Variants in ABCC3 observed in about 807,000 individuals in gnomAD.
The protein encoded by ABCC3 is ATP binding cassette subfamily C member 3.
ABCC3 carries 121 observed loss-of-function variants against 165.3 expected under a neutral mutation model. That is an observed-to-expected ratio of 0.73 (90% CI 0.63 to 0.85). The LOEUF (loss-of-function observed/expected upper bound fraction) is 0.85. Among genes scored for constraint, ABCC3 ranks in the 40% least tolerant of loss-of-function variants. The probability of loss-of-function intolerance (pLI) is 0.00; values close to 1 mark genes in which losing one functional copy is unlikely to be tolerated. For missense variants in ABCC3, 1,869 were observed against 1,964.1 expected, an observed-to-expected ratio of 0.95 and a Z score of 0.92; for synonymous variants, 733 against 810.1, an observed-to-expected ratio of 0.90 and a Z score of 1.62.
chr17:50,649,751 AAAGG>A (rs1244528132), intron 1 of ABCC3, among the ~76,000 whole-genome samples: 6 of 151,772 alleles, frequency 4.0e-5, no homozygotes, highest in South Asian at 4.2e-4. Context: ...AGAGAGAGAG[AAAGG>A]AAGGAAGGAA....
intron 7 of ABCC3, among the ~76,000 whole-genome samples, chr17:50,660,480 T>C (rs890289418): frequency 6.6e-6 from 1 of 152,132 alleles, no homozygotes; most frequent in Admixed American, 6.5e-5. Flanking sequence ...TATCCTGGCT[T>C]TCATGGCTTG....
chr17:50,679,767 G>T (rs748249142), intron 25 of ABCC3, 31 bp from the exon 26 acceptor site: 1 of 1,592,010 alleles, frequency 6.3e-7, no homozygotes, highest in Admixed American at 1.7e-5. Context: ...AGGGGAGATC[G>T]CCATACGTAT....
At chr17:50,642,570 C>T (rs1597837833) in intron 1 of ABCC3, among the ~76,000 whole-genome samples, 2 of 152,346 alleles carry the variant, frequency 1.3e-5, no homozygotes, top group East Asian at 3.9e-4. Flanking sequence ...TTCATTCTCC[C>T]TCACCTTCTC....
Position 50,676,081 on chromosome 17 carries a change from A to G in ABCC3, c.3058A>G (p.Ile1020Val), listed in dbSNP as rs372833974. 1.2e-5 allele frequency: 20 copies of G among 1,614,024 alleles called. No homozygotes were observed. The highest frequency in any genetic ancestry group is 5.5e-5 in the South Asian group (5 of 91,092). Residue 1020 changes from isoleucine (I) to valine (V), a missense_variant, in exon 22 of 31, where the codon ATT (isoleucine) becomes GTT (valine). Transcript: ENST00000285238. ...GCTGGGCGTCTATGCTGCTTTAGGA[A>G]TTCTGCAAGGTGAGCTTGTGGGGGT... ...LRLGVYAALG[I>V]LQGFLVMLAA...
chr17:50,656,687 G>A lies in ABCC3; in HGVS notation c.223-15G>A, dbSNP rs748566100. On this transcript the variant is annotated splice_polypyrimidine_tract_variant and intron_variant, in intron 2 of 30. Coordinates refer to ENST00000285238, the MANE Select transcript of ABCC3 (RefSeq NM_003786.4). Reference sequence around the variant, plus strand: ...CCTCTGGGGATGCGGATTCCAACCTGTGCTCTCTTCGCAGGTCCTGGGTGT... The same window carrying A: ...CCTCTGGGGATGCGGATTCCAACCTATGCTCTCTTCGCAGGTCCTGGGTGT... 3 of 1,606,378 alleles carry A rather than the reference G, an allele frequency of 1.9e-6. No homozygotes were observed. In the South Asian group the frequency reaches 3.3e-5, roughly 18 times the overall value.
rs148338630 is a variant in ABCC3 at position 50,665,202 on chromosome 17, T to G, written c.1388T>G (p.Ile463Ser). 3.1e-6 allele frequency: 5 copies of G among 1,613,934 alleles called. No individual in the cohort carries two copies. The highest frequency in any genetic ancestry group is 4.2e-6 in the Non-Finnish European group (5 of 1,179,962). Residue 463 changes from isoleucine to serine, a missense_variant, in exon 11 of 31, where the codon ATT becomes AGT. Coordinates refer to ENST00000285238, the MANE Select transcript of ABCC3 (RefSeq NM_003786.4). ...LAGVAFMVLL[I>S]PLNGAVAVKM... Reference sequence around the variant, plus strand: ...GGAGTCGCTTTCATGGTCTTGCTGATTCCACTCAACGGAGCTGTGGCCGTG... The same window carrying G: ...GGAGTCGCTTTCATGGTCTTGCTGAGTCCACTCAACGGAGCTGTGGCCGTG...
chr17:50,657,497 T>C (rs549482113), intron 4 of ABCC3, among the ~76,000 whole-genome samples: 5 of 152,340 alleles, frequency 3.3e-5, no homozygotes, highest in African/African-American at 1.2e-4. Context: ...TGAACACATG[T>C]ATGCAGACAA....
At position 50,652,750 on chromosome 17, in the gene ABCC3, TC is replaced by T. The variant is rs373411262; in HGVS notation, c.46-3081del. Among the ~76,000 whole-genome samples, 1,065 of 152,342 alleles carry T rather than the reference TC, an allele frequency of 7.0e-3. 7 individuals are homozygous for T. The highest frequency in any genetic ancestry group is 0.01 in the Non-Finnish European group (695 of 68,036). On this transcript the variant is annotated intron_variant, in intron 1 of 30. Coordinates refer to ENST00000285238, the MANE Select transcript of ABCC3 (RefSeq NM_003786.4). ...TCCTTAGATTTGGAGGAACTCACTT[TC>T]AAAAGGCACCTGCCTGAGGCTTTTA... is the stretch of plus-strand genomic sequence containing the variant.
At chr17:50,673,770 A>G in intron 19 of ABCC3, 112 bp downstream of exon 19, 4 of 1,105,184 alleles carry the variant, frequency 3.6e-6, no homozygotes, top group Non-Finnish European at 5.2e-6. Flanking sequence ...GGTTCTGGGA[A>G]ACTTGGGCCA....
chr17:50,666,458 C>T (rs904583266), intron 11 of ABCC3, among the ~76,000 whole-genome samples: 4 of 151,858 alleles, frequency 2.6e-5, no homozygotes, highest in Admixed American at 6.6e-5. Flanking sequence ...GCAACAAGAG[C>T]GAAACTCCGT....
chr17:50,678,529 C>T (rs1967872800), intron 25 of ABCC3, among the ~76,000 whole-genome samples: 1 of 152,194 alleles, frequency 6.6e-6, no homozygotes, highest in African/African-American at 2.4e-5. Flanking sequence ...GTCGACCTTG[C>T]CTGACACCTC....
chr17:50,684,599 C>CA, intron 28 of ABCC3, 110 bp from the exon 29 acceptor site: 1 of 1,208,252 alleles, frequency 8.3e-7, no homozygotes, highest in African/African-American at 1.5e-5. Context: ...GAGCTGGAAA[C>CA]AGAGTGGGAA....
intron 8 of ABCC3, among the ~76,000 whole-genome samples, chr17:50,661,586 G>A (rs896495321): frequency 6.6e-6 from 1 of 152,200 alleles, no homozygotes; most frequent in Non-Finnish European, 1.5e-5. Context: ...GCTCTCAAAT[G>A]AGAGGGTGGG....
intron 11 of ABCC3, 46 bp downstream of exon 11, chr17:50,665,291 G>A (rs778696073): frequency 1.1e-5 from 18 of 1,577,988 alleles, no homozygotes; most frequent in African/African-American, 9.5e-5. Context: ...GCACCCGGCC[G>A]GCTGCCTGGG....
At position 50,670,229 on chromosome 17, in the gene ABCC3, C is replaced by T. The variant is rs557914860; in HGVS notation, c.2241+701C>T. 9.9e-5 allele frequency among the ~76,000 whole-genome samples: 15 copies of T among 152,120 alleles called. No individual in the cohort carries two copies. In the East Asian group the frequency reaches 1.4e-3, roughly 14 times the overall value. ...ACCCGAGTAGCTGGGATTACGGGTG[C>T]GCACCACCACACTTGGCTAATTTTT... On this transcript the variant is annotated intron_variant, in intron 17 of 30. Coordinates refer to ENST00000285238, the MANE Select transcript of ABCC3 (RefSeq NM_003786.4).
Position 50,658,232 on chromosome 17 carries a change from G to A in ABCC3, c.612+25G>A. 3.7e-6 allele frequency: 6 copies of A among 1,614,122 alleles called. No individual in the cohort carries two copies. In the South Asian group the frequency reaches 6.6e-5, roughly 18 times the overall value. On this transcript the variant is annotated intron_variant, in intron 5 of 30. Transcript: ENST00000285238. ...TGTGAGTTTCCCATGGAGGGTGCGG[G>A]GGCTCCACAGCTGAGTCCTCAGCCC...
intron 1 of ABCC3, among the ~76,000 whole-genome samples, chr17:50,655,534 A>C (rs544850618): frequency 6.6e-6 from 1 of 152,212 alleles, no homozygotes; most frequent in East Asian, 1.9e-4. Context: ...GCAGGTGTAT[A>C]CAACTGTCAA....
Position 50,656,839 on chromosome 17 carries a change from G to A in ABCC3, c.348+12G>A. On this transcript the variant is annotated intron_variant, in intron 3 of 30. Transcript: ENST00000285238. ...TGGGGGTCACCATGGTCAGTGTGGG[G>A]CCCTGGGAAAGTGGATGGGGGAGGT... is the stretch of plus-strand genomic sequence containing the variant. The A allele has an allele frequency of 6.3e-7, 1 of 1,596,358 alleles. No individual in the cohort carries two copies. Among genetic ancestry groups the A allele is most frequent in the African/African-American group, 1.3e-5 (1 of 74,188 alleles).
intron 1 of ABCC3, among the ~76,000 whole-genome samples, chr17:50,653,151 G>C (rs1249842632): frequency 2.0e-5 from 3 of 149,594 alleles, no homozygotes; most frequent in African/African-American, 2.5e-5. Flanking sequence ...TTCAAGACCA[G>C]CCTGGCCTAC....
Sources: gnomAD v4.1 joint callset for allele counts (sites outside exome capture counted in the v4.1 genomes callset) on GRCh38, gnomAD v4.1.1 for gene constraint, MANE v1.5 for transcripts, NCBI Gene and HGNC (gene_info 2026-07-23, HGNC 2026-07-21) for gene names.